GRIP1: variants seen among roughly 807,000 people sequenced by gnomAD.
The protein encoded by GRIP1 is glutamate receptor interacting protein 1, also known as glutamate receptor-interacting protein 1.
In GRIP1, 45 loss-of-function variants were observed where a neutral mutation model predicts 129.9. The observed-to-expected ratio is 0.35, with a 90% confidence interval of 0.27 to 0.44. GRIP1 has a LOEUF of 0.44. GRIP1 is among the 20% of genes least tolerant of loss of function. The probability of loss-of-function intolerance (pLI) is 1.00; values close to 1 mark genes in which losing one functional copy is unlikely to be tolerated. For missense variants in GRIP1, 1,196 were observed against 1,396.8 expected (o/e 0.86, Z 2.29); for synonymous variants, 530 against 520.8 (o/e 1.02, Z -0.24).
At chr12:66,715,517 A>AGAGAGAGAGAGAGAG (rs1205183269) in intron 1 of GRIP1, among the ~76,000 whole-genome samples, 6 of 143,964 alleles carry the variant, frequency 4.2e-5, no homozygotes, top group African/African-American at 1.5e-4. Context: ...AGAGAGAGAG[A>AGAGAGAGAGAGAGAG]ACTGTCTCCC....
chr12:66,480,415 C>T (rs1405017275), intron 7 of GRIP1, among the ~76,000 whole-genome samples: 2 of 151,894 alleles, frequency 1.3e-5, no homozygotes, highest in Non-Finnish European at 2.9e-5. Flanking sequence ...TAAGAGAGTA[C>T]AAAAACAAAT....
intron 1 of GRIP1, among the ~76,000 whole-genome samples, chr12:66,977,247 T>C (rs1391925603): frequency 6.6e-6 from 1 of 151,886 alleles, no homozygotes; most frequent in East Asian, 1.9e-4. Flanking sequence ...TTTTTTTCTT[T>C]TTTTTTATTA....
chr12:67,001,888 T>A (rs754453417), intron 1 of GRIP1, among the ~76,000 whole-genome samples: 3 of 152,086 alleles, frequency 2.0e-5, no homozygotes, highest in Non-Finnish European at 4.4e-5. Context: ...GTCCAGCATA[T>A]CACACCTGAC....
chr12:66,512,406 T>C (rs556159618), intron 7 of GRIP1, among the ~76,000 whole-genome samples: 74 of 152,178 alleles, frequency 4.9e-4, no homozygotes, highest in African/African-American at 1.7e-3. Context: ...GACATGTACA[T>C]ATACCACTGA....
rs75657913 is a variant in GRIP1, at chr12:66,915,226, A to C, written c.58+153824T>G. Among the ~76,000 whole-genome samples, 591 of 152,144 alleles carry C rather than the reference A, an allele frequency of 3.9e-3. 15 individuals are homozygous for C. The East Asian group carries it at 0.05, about 13-fold the overall frequency. Reference sequence around the variant, plus strand: ...AAGAGTTTTAACTCTAAAAGGAATAAATCTCCCAGAGAACTGACTAAGTGA... The same window carrying C: ...AAGAGTTTTAACTCTAAAAGGAATACATCTCCCAGAGAACTGACTAAGTGA... On this transcript the variant is annotated intron_variant, in intron 1 of 1. Transcript: ENST00000643019.
At chr12:66,534,776 C>A (rs938031376) in intron 4 of GRIP1, among the ~76,000 whole-genome samples, 3 of 152,162 alleles carry the variant, frequency 2.0e-5, no homozygotes, top group African/African-American at 7.2e-5. Context: ...TCACCACAAC[C>A]TCTGCCTCCC....
At chr12:66,792,957 C>T (rs551576920) in intron 1 of GRIP1, among the ~76,000 whole-genome samples, 1 of 152,108 alleles carries the variant, frequency 6.6e-6, no homozygotes, top group East Asian at 1.9e-4. Context: ...GAAATATTTC[C>T]TATCAGTAAA....
chr12:66,749,083 A>G (rs2037044124), intron 1 of GRIP1, among the ~76,000 whole-genome samples: 3 of 152,204 alleles, frequency 2.0e-5, no homozygotes, highest in Non-Finnish European at 4.4e-5. Flanking sequence ...GCAAGTATCC[A>G]TTCTTCCCAT....
At chr12:66,981,072 A>T (rs897395872) in intron 1 of GRIP1, among the ~76,000 whole-genome samples, 9 of 152,188 alleles carry the variant, frequency 5.9e-5, no homozygotes, top group African/African-American at 2.2e-4. Context: ...AATTATAGTA[A>T]TCGAAGCTCC....
chr12:66,744,649 T>C (rs2036889410), intron 1 of GRIP1, among the ~76,000 whole-genome samples: 1 of 152,148 alleles, frequency 6.6e-6, no homozygotes. Context: ...CCTAGAGGCC[T>C]GGCCCATCAG....
At position 66,827,876 on chromosome 12, in the gene GRIP1, G is replaced by T. The variant is rs560435404; in HGVS notation, c.59-230949C>A. Among the ~76,000 whole-genome samples, 2 of 152,156 alleles carry T rather than the reference G, an allele frequency of 1.3e-5. 1 individual carries two copies. Among genetic ancestry groups the T allele is most frequent in the South Asian group, 4.2e-4 (2 of 4,814 alleles). ...ATTCTTTTTCATAAAAACATATCTT[G>T]CTTATAGGGCCACTACCGAATAAGT... On this transcript the variant is annotated intron_variant, in intron 1 of 1. Coordinates refer to the GRIP1 transcript ENST00000643019.
intron 1 of GRIP1, among the ~76,000 whole-genome samples, chr12:67,021,189 TG>T (rs1249085958): frequency 6.6e-6 from 1 of 152,162 alleles, no homozygotes; most frequent in Non-Finnish European, 1.5e-5. Context: ...AAGATGGAAT[TG>T]GATATCCAAT....
At chr12:66,397,113 A>C (rs1334692848) in intron 16 of GRIP1, among the ~76,000 whole-genome samples, 1 of 149,780 alleles carries the variant, frequency 6.7e-6, no homozygotes, top group Non-Finnish European at 1.5e-5. Context: ...TCTGTCTCAA[A>C]AAAAAAAAAA....
intron 7 of GRIP1, among the ~76,000 whole-genome samples, chr12:66,495,167 T>C (rs1246212764): frequency 6.6e-6 from 1 of 152,184 alleles, no homozygotes; most frequent in Non-Finnish European, 1.5e-5. Flanking sequence ...ATTACTTTCT[T>C]TACTTGGCCA....
intron 1 of GRIP1, among the ~76,000 whole-genome samples, chr12:66,772,529 T>A (rs892412274): frequency 2.0e-5 from 3 of 152,202 alleles, no homozygotes; most frequent in African/African-American, 7.2e-5. Flanking sequence ...ATTAATGGGA[T>A]ATGTCTTTAA....
chr12:66,760,335 T>A, intron 1 of GRIP1, among the ~76,000 whole-genome samples: 1 of 151,914 alleles, frequency 6.6e-6, no homozygotes, highest in East Asian at 1.9e-4. Context: ...TGGTACTAAT[T>A]TCTGTATTAG....
rs1385064356 is a variant in GRIP1, at chr12:66,729,639, T to A, written c.-420+74414A>T. ...CCCAGGCTGGAGTGCAGTGGTGCGA[T>A]CTCGGCTTACTTCAAGCTCTGCCTC... On this transcript the variant is annotated intron_variant, in intron 1 of 4. Coordinates refer to the GRIP1 transcript ENST00000538373. Among the ~76,000 whole-genome samples, 4 of 152,140 alleles carry A rather than the reference T, an allele frequency of 2.6e-5. No homozygotes were observed. In the East Asian group the frequency reaches 7.7e-4, roughly 29 times the overall value.
intron 1 of GRIP1, among the ~76,000 whole-genome samples, chr12:66,726,763 T>C (rs527993789): frequency 1.6e-3 from 242 of 152,306 alleles, no homozygotes; most frequent in African/African-American, 5.7e-3. Flanking sequence ...AAAGCATCGC[T>C]GAGCTGGAAG....
intron 1 of GRIP1, among the ~76,000 whole-genome samples, chr12:66,929,767 C>T (rs1366615291): frequency 6.6e-6 from 1 of 152,200 alleles, no homozygotes; most frequent in African/African-American, 2.4e-5. Flanking sequence ...TTGTCTTATT[C>T]ACATTTGCAT....
Sources: allele counts gnomAD v4.1 joint callset (sites outside exome capture counted in the v4.1 genomes callset), GRCh38; gene constraint gnomAD v4.1.1; transcripts MANE v1.5; gene names NCBI Gene and HGNC (gene_info 2026-07-23, HGNC 2026-07-21).